The following TMTC2 variants were observed in gnomAD, a reference collection of about 807,000 sequenced individuals.
TMTC2 encodes protein O-mannosyl-transferase TMTC2.
In TMTC2, 43 loss-of-function variants were observed where a neutral mutation model predicts 82.4. The observed-to-expected ratio is 0.52, with a 90% confidence interval of 0.41 to 0.67. The LOEUF (loss-of-function observed/expected upper bound fraction) is 0.67, where lower values mean the gene tolerates loss of function less well. TMTC2 is among the 30% of genes least tolerant of loss of function. The probability of loss-of-function intolerance (pLI) is 0.00; values close to 1 mark genes in which losing one functional copy is unlikely to be tolerated. For synonymous variants in TMTC2, 408 were observed against 381.9 expected (o/e 1.07, Z -0.80); for missense variants, 919 against 1,012.4 (o/e 0.91, Z 1.25).
At chr12:83,062,875 C>G (rs1254636938) in intron 11 of TMTC2, among the ~76,000 whole-genome samples, 1 of 151,748 alleles carries the variant, frequency 6.6e-6, no homozygotes, top group African/African-American at 2.4e-5. Flanking sequence ...TCAGGAGATT[C>G]ATCCACTTGC....
intron 9 of TMTC2, among the ~76,000 whole-genome samples, chr12:83,047,960 G>A (rs1176182549): frequency 6.6e-6 from 1 of 151,914 alleles, no homozygotes; most frequent in Non-Finnish European, 1.5e-5. Flanking sequence ...CCTTGTTATG[G>A]GTATCATTAC....
chr12:82,689,689 GTGA>G (rs1872494316), intron 1 of TMTC2, among the ~76,000 whole-genome samples: 1 of 152,180 alleles, frequency 6.6e-6, no homozygotes, highest in Non-Finnish European at 1.5e-5. Context: ...TGGTGTGAGT[GTGA>G]TGATAAATTA....
intron 1 of TMTC2, among the ~76,000 whole-genome samples, chr12:82,811,504 GTT>G (rs924227056): frequency 6.6e-6 from 1 of 151,922 alleles, no homozygotes; most frequent in Non-Finnish European, 1.5e-5. Flanking sequence ...TCTAAGTAGT[GTT>G]GTCACAGAAA....
intron 10 of TMTC2, among the ~76,000 whole-genome samples, chr12:83,053,192 C>T (rs1011929580): frequency 6.6e-6 from 1 of 152,054 alleles, no homozygotes; most frequent in Non-Finnish European, 1.5e-5. Context: ...TTTAATGTTA[C>T]ATGTAAATTT....
chr12:82,817,753 GA>G (rs1565763477), intron 1 of TMTC2, among the ~76,000 whole-genome samples: 1 of 152,144 alleles, frequency 6.6e-6, no homozygotes, highest in Non-Finnish European at 1.5e-5. Context: ...CTTCCAAAAT[GA>G]AACCAAGTTG....
chr12:82,898,759 T>G (rs1322692429), intron 3 of TMTC2, among the ~76,000 whole-genome samples: 1 of 152,148 alleles, frequency 6.6e-6, no homozygotes, highest in African/African-American at 2.4e-5. Context: ...GCACACACCA[T>G]GCTTGTTCAC....
intron 1 of TMTC2, among the ~76,000 whole-genome samples, chr12:82,732,386 AGGCT>A (rs776851818): frequency 3.9e-5 from 6 of 151,900 alleles, no homozygotes; most frequent in Admixed American, 2.0e-4. Context: ...CCTGTCGCCC[AGGCT>A]GGAGTGCAGT....
chr12:82,791,325 T>A (rs1322319627), intron 1 of TMTC2, among the ~76,000 whole-genome samples: 1 of 152,110 alleles, frequency 6.6e-6, no homozygotes, highest in Non-Finnish European at 1.5e-5. Context: ...CTTTGGACAT[T>A]GCAATAATCT....
In TMTC2 at chr12:82,966,934, T is replaced by A. The variant is rs1178869957; in HGVS notation, c.1885T>A (p.Tyr629Asn). 6.2e-7 allele frequency: 1 copy of A among 1,612,866 alleles called. No homozygotes were observed. Among genetic ancestry groups the A allele is most frequent in the Non-Finnish European group, 8.5e-7 (1 of 1,179,074 alleles). Residue 629 changes from tyrosine to asparagine, a missense_variant, in exon 7 of 12, where the codon TAC (tyrosine) becomes AAC (asparagine). Coordinates refer to ENST00000321196, the MANE Select transcript of TMTC2 (RefSeq NM_152588.3). Reference sequence around the variant, plus strand: ...TATAAATTAGGAAGCCCTTAGTGTATACAAGGAAGCAATTCAGAAAATGCC... The same window carrying A: ...TATAAATTAGGAAGCCCTTAGTGTAAACAAGGAAGCAATTCAGAAAATGCC... ...QGHYEEALSVYKEAIQKMPRQ... is the reference protein window; with the variant it reads ...QGHYEEALSVNKEAIQKMPRQ...
intron 8 of TMTC2, among the ~76,000 whole-genome samples, chr12:83,021,510 A>C (rs1367913442): frequency 1.3e-5 from 2 of 152,122 alleles, no homozygotes; most frequent in Non-Finnish European, 2.9e-5. Context: ...CGGGAGGGTC[A>C]CTTGAACCCT....
At chr12:82,986,827 T>C (rs1879172296) in intron 8 of TMTC2, among the ~76,000 whole-genome samples, 1 of 152,176 alleles carries the variant, frequency 6.6e-6, no homozygotes, top group Admixed American at 6.5e-5. Context: ...GTAATAGTAA[T>C]GTCTTTATTT....
intron 4 of TMTC2, among the ~76,000 whole-genome samples, chr12:82,944,354 G>T (rs999652357): frequency 6.6e-6 from 1 of 152,070 alleles, no homozygotes; most frequent in Non-Finnish European, 1.5e-5. Flanking sequence ...GGAGGCCAAG[G>T]TGGGCGGACC....
intron 11 of TMTC2, among the ~76,000 whole-genome samples, chr12:83,124,962 A>G (rs1292809047): frequency 6.6e-6 from 1 of 152,198 alleles, no homozygotes; most frequent in Non-Finnish European, 1.5e-5. Flanking sequence ...AAGAGTAGTA[A>G]AGAGAGGTAA....
chr12:82,912,623 T>G (rs1268338965), intron 3 of TMTC2, among the ~76,000 whole-genome samples: 4 of 152,274 alleles, frequency 2.6e-5, no homozygotes, highest in African/African-American at 9.6e-5. Context: ...TGGCATCATG[T>G]TACCTTCACA....
At chr12:83,075,150 C>G (rs1487989237) in intron 11 of TMTC2, among the ~76,000 whole-genome samples, 1 of 152,136 alleles carries the variant, frequency 6.6e-6, no homozygotes, top group African/African-American at 2.4e-5. Flanking sequence ...TTCAGCTTCT[C>G]CAGTGGGGGT....
chr12:82,857,742 A>T (rs1871335713), intron 2 of TMTC2, among the ~76,000 whole-genome samples, 162 bp downstream of exon 2: 1 of 152,186 alleles, frequency 6.6e-6, no homozygotes, highest in Admixed American at 6.5e-5. Context: ...CCTTTGTACT[A>T]AGCAGGGTTT....
In TMTC2 at chr12:83,026,666, C is replaced by A. The variant is rs141592570; in HGVS notation, c.2071-4132C>A. ...GTCTAATTATCTCATATTTAATATT[C>A]CTCCTTGCTCTAAGGGGAGTTTTAG... On this transcript the variant is annotated intron_variant, in intron 8 of 11. Transcript: ENST00000321196. Among the ~76,000 whole-genome samples, 358 of 150,394 alleles carry A rather than the reference C, an allele frequency of 2.4e-3. 2 individuals carry two copies. Among genetic ancestry groups the A allele is most frequent in the African/African-American group, 8.4e-3 (343 of 40,892 alleles).
intron 1 of TMTC2, among the ~76,000 whole-genome samples, chr12:82,779,272 A>G (rs114871050): frequency 0.014 from 2,129 of 152,134 alleles, 47 homozygotes; most frequent in African/African-American, 0.048. Flanking sequence ...GTGAGGGCAG[A>G]GGCTGATGGG....
chr12:82,987,710 TAGA>T (rs1318125505), intron 8 of TMTC2, among the ~76,000 whole-genome samples: 7 of 152,144 alleles, frequency 4.6e-5, no homozygotes, highest in African/African-American at 1.7e-4. Context: ...TCATTATTTC[TAGA>T]ATAGGAAACA....
Sources: gnomAD v4.1 joint callset for allele counts (sites outside exome capture counted in the v4.1 genomes callset) on GRCh38, gnomAD v4.1.1 for gene constraint, MANE v1.5 for transcripts, NCBI Gene and HGNC (gene_info 2026-07-23, HGNC 2026-07-21) for gene names.